The following CHST4 variants were observed in gnomAD, a reference collection of about 807,000 sequenced individuals.
CHST4 encodes GST-3.
For synonymous variants in CHST4, 171 were observed against 195.5 expected, an observed-to-expected ratio of 0.87 and a Z score of 1.05; for missense variants, 466 against 506.0, an observed-to-expected ratio of 0.92 and a Z score of 0.76.
At chr16:71,536,594 A>ATCT in intron 1 of CHST4, 66 bp from the exon 2 acceptor site, 2 of 1,247,746 alleles carry the variant, frequency 1.6e-6, no homozygotes, top group South Asian at 2.6e-5. Context: ...CTTTGGCCAG[A>ATCT]AGGGGAATAG....
In CHST4 at chr16:71,536,816, G is replaced by T; in HGVS notation, c.139G>T (p.Val47Phe). The T allele has an allele frequency of 6.5e-7, 1 of 1,536,360 alleles. No homozygotes were observed. The highest frequency in any genetic ancestry group is 1.4e-5 in the African/African-American group (1 of 72,514). The change falls in exon 2 of 2, where the codon GTT becomes TTT. Residue 47 changes from valine to phenylalanine, a missense_variant. By Grantham distance (50) the Val-to-Phe change is conservative (BLOSUM62 -1). Coordinates refer to ENST00000539698, the MANE Select transcript of CHST4 (RefSeq NM_001166395.2). ...KAQPERMHVLVLSSWRSGSSF... is the reference protein window; with the variant it reads ...KAQPERMHVLFLSSWRSGSSF... ...ACAGCCCGAGCGCATGCACGTGCTG[G>T]TTCTGTCTTCCTGGCGCTCTGGCTC...
rs147106695 is a variant in CHST4, at chr16:71,537,304, C to T, written c.627C>T (p.Ala209=). The change falls in exon 2 of 2, where the codon GCC becomes GCT. Residue 209 remains alanine (A), a synonymous_variant. Coordinates refer to ENST00000539698, the MANE Select transcript of CHST4 (RefSeq NM_001166395.2). The surrounding 1 kb of genome is among the most constrained non-coding windows in gnomAD (Gnocchi z 4.2). The stretch of plus-strand genomic sequence containing the variant: ...TGCACCTGGTCCGGGACCCCCGGGC[C>T]GTGTTCCGTTCCCGAGAACGCACAA... ...HIVHLVRDPR[A]VFRSRERTKG... is the part of the protein sequence containing the mutation. 1.2e-4 allele frequency: 186 copies of T among 1,614,056 alleles called. No homozygotes were observed. The highest frequency in any genetic ancestry group is 1.4e-4 in the Non-Finnish European group (171 of 1,180,050).
intron 1 of CHST4, 52 bp from the exon 2 acceptor site, chr16:71,536,608 G>A (rs1350231710): frequency 7.6e-7 from 1 of 1,312,836 alleles, no homozygotes; most frequent in Middle Eastern, 2.0e-4. Context: ...GGAATAGAAG[G>A]CAAACAATAA....
At chr16:71,535,517 AC>A (rs1466064745) in intron 1 of CHST4, among the ~76,000 whole-genome samples, 1 of 152,188 alleles carries the variant, frequency 6.6e-6, no homozygotes, top group Non-Finnish European at 1.5e-5. Context: ...ACTATCACCT[AC>A]AAAAAACATT....
At chr16:71,528,963 T>C (rs1289621234) in intron 1 of CHST4, among the ~76,000 whole-genome samples, 1 of 152,190 alleles carries the variant, frequency 6.6e-6, no homozygotes, top group African/African-American at 2.4e-5. Flanking sequence ...AAGGTTCTCT[T>C]GACTCCTCAG....
chr16:71,535,015 C>T (rs1473040844), intron 1 of CHST4, among the ~76,000 whole-genome samples: 1 of 152,170 alleles, frequency 6.6e-6, no homozygotes, highest in Non-Finnish European at 1.5e-5. Context: ...CACTGGGAAC[C>T]GTGGTCCTTT....
Position 71,536,652 on chromosome 16 carries a change from C to T in CHST4, c.-18-8C>T, listed in dbSNP as rs772040080. 1.4e-6 allele frequency: 2 copies of T among 1,418,280 alleles called. No individual in the cohort carries two copies. The highest frequency in any genetic ancestry group is 5.3e-5 in the Admixed American group (2 of 37,670). The allele number at this position is 1,418,280 out of a possible 1,614,324, so 87.9% of individuals were successfully genotyped here. A position where few individuals can be genotyped will look rare whatever the true frequency, so the allele number is the denominator to read the frequency against. ...CCCAACTCCACCCTTTCTGTTTGTT[C>T]CTTAAAGGTCTTCCACTTCAGCACA... is the stretch of plus-strand genomic sequence containing the variant. On this transcript the variant is annotated splice_region_variant and splice_polypyrimidine_tract_variant and intron_variant, in intron 1 of 1. Transcript: ENST00000539698.
chr16:71,537,083 C>A lies in CHST4; in HGVS notation c.406C>A (p.Pro136Thr). 1 of 1,614,174 alleles carries A rather than the reference C, an allele frequency of 6.2e-7. No homozygotes were observed. The highest frequency in any genetic ancestry group is 1.1e-5 in the South Asian group (1 of 91,076). The change falls in exon 2 of 2, where the codon CCT becomes ACT. Residue 136 changes from proline (P) to threonine (T), a missense_variant. By Grantham distance (38) the Pro-to-Thr change is conservative. Transcript: ENST00000539698. The surrounding 1 kb of genome is among the most constrained non-coding windows in gnomAD (Gnocchi z 4.2). ...GAACAGCCGGGCCCTGTGTTCTGCA[C>A]CTGCCTGTGACATCATCCCACAAGA... is the stretch of plus-strand genomic sequence containing the variant. ...WENSRALCSA[P>T]ACDIIPQDEI...
At chr16:71,533,457 A>T (rs1254884001) in intron 1 of CHST4, among the ~76,000 whole-genome samples, 1 of 150,548 alleles carries the variant, frequency 6.6e-6, no homozygotes, top group Non-Finnish European at 1.5e-5. Flanking sequence ...AAAAAAACGT[A>T]GTTGCTATGT....
chr16:71,531,801 A>G (rs1869707049), intron 1 of CHST4, among the ~76,000 whole-genome samples: 2 of 152,158 alleles, frequency 1.3e-5, no homozygotes, highest in African/African-American at 2.4e-5. Context: ...TTATAACTGT[A>G]TACAGGATAA....
At chr16:71,534,144 T>C (rs753519673) in intron 1 of CHST4, among the ~76,000 whole-genome samples, 24 of 152,028 alleles carry the variant, frequency 1.6e-4, no homozygotes, top group Non-Finnish European at 3.4e-4. Context: ...CCCTCCTGCA[T>C]ACAGAATCTG....
chr16:71,536,944 G>A lies in CHST4; in HGVS notation c.267G>A (p.Met89Ile), dbSNP rs148657245. The A allele has an allele frequency of 0.01, 16,152 of 1,612,876 alleles. 117 individuals carry two copies. The highest frequency in any genetic ancestry group is 0.011 in the Non-Finnish European group (13,380 of 1,179,100). Reference sequence around the variant, plus strand: ...CCTTCAAGCAGAGCACCGCCTGGATGCTGCACATGGCTGTGCGGGATCTGA... The same window carrying A: ...CCTTCAAGCAGAGCACCGCCTGGATACTGCACATGGCTGTGCGGGATCTGA... The part of the protein sequence containing the change: ...WMTFKQSTAW[M>I]LHMAVRDLIR... Residue 89 changes from methionine (M) to isoleucine (I), a missense_variant, in exon 2 of 2, where the codon ATG becomes ATA. By Grantham distance (10) the Met-to-Ile change is conservative. Transcript: ENST00000539698.
At chr16:71,529,729 G>C (rs769660983) in intron 1 of CHST4, among the ~76,000 whole-genome samples, 1 of 151,918 alleles carries the variant, frequency 6.6e-6, no homozygotes, top group African/African-American at 2.4e-5. Flanking sequence ...TGTTATGTAC[G>C]TGTAAGTAAG....
intron 1 of CHST4, among the ~76,000 whole-genome samples, chr16:71,532,806 A>G (rs1200588714): frequency 2.0e-5 from 3 of 152,204 alleles, no homozygotes; most frequent in Non-Finnish European, 4.4e-5. Context: ...TGTGAACATA[A>G]AGGTCATCAC....
At chr16:71,532,345 C>T (rs2043955176) in intron 1 of CHST4, among the ~76,000 whole-genome samples, 1 of 152,162 alleles carries the variant, frequency 6.6e-6, no homozygotes, top group Non-Finnish European at 1.5e-5. Flanking sequence ...CCATGCCCGG[C>T]CTAGCTGGTC....
chr16:71,534,443 T>C (rs1178597708), intron 1 of CHST4, among the ~76,000 whole-genome samples: 1 of 150,896 alleles, frequency 6.6e-6, no homozygotes, highest in African/African-American at 2.4e-5. Context: ...CTGCAATCTC[T>C]GCCTTTCTGA....
In CHST4 at chr16:71,537,807, C is replaced by G; in HGVS notation, c.1130C>G (p.Ser377Cys). ...AGAAACCTGTTGCTGGATCTTCTGT[C>G]TACCTGGACTGTCCCTGAGCAAATC... is the stretch of plus-strand genomic sequence containing the variant. Reference protein sequence around the residue: ...EQRNLLLDLLSTWTVPEQIH With the variant: ...EQRNLLLDLLCTWTVPEQIH Residue 377 changes from serine to cysteine, a missense_variant, in exon 2 of 2, where the codon TCT (serine) becomes TGT (cysteine). By Grantham distance (112) the Ser-to-Cys change is moderately radical. Transcript: ENST00000539698. The surrounding 1 kb of genome is among the most constrained non-coding windows in gnomAD (Gnocchi z 4.2). 1 of 1,613,676 alleles carries G rather than the reference C, an allele frequency of 6.2e-7. No homozygotes were observed. The highest frequency in any genetic ancestry group is 8.5e-7 in the Non-Finnish European group (1 of 1,179,870).
intron 1 of CHST4, among the ~76,000 whole-genome samples, chr16:71,534,719 T>A (rs1269105965): frequency 6.6e-6 from 1 of 152,160 alleles, no homozygotes; most frequent in African/African-American, 2.4e-5. Flanking sequence ...AAAAACTTTT[T>A]AAATAATTGG....
intron 1 of CHST4, among the ~76,000 whole-genome samples, chr16:71,527,863 T>C (rs567098268): frequency 2.0e-5 from 3 of 152,068 alleles, no homozygotes; most frequent in East Asian, 1.9e-4. Context: ...TCAGAGAGAA[T>C]AGGTTGTAAA....
Sources: gnomAD v4.1 joint callset for allele counts (sites outside exome capture counted in the v4.1 genomes callset) on GRCh38, gnomAD v4.1.1 for gene constraint, Gnocchi (gnomAD v3.1) non-coding constraint, MANE v1.5 for transcripts, NCBI Gene and HGNC (gene_info 2026-07-23, HGNC 2026-07-21) for gene names.